The following C5orf24 variants were observed in gnomAD, a reference collection of about 807,000 sequenced individuals.
C5orf24 encodes the protein UPF0461 protein C5orf24.
Under a neutral mutation model 9.8 loss-of-function variants are expected in C5orf24, and 4 were observed. The ratio of observed to expected loss-of-function variants is 0.41; its 90% CI spans 0.20 to 0.93. The LOEUF (loss-of-function observed/expected upper bound fraction) is 0.93, where lower values mean the gene tolerates loss of function less well. Ranked by LOEUF, C5orf24 falls within the 40% of genes least tolerant of loss-of-function variation. The probability of loss-of-function intolerance (pLI) is 0.33; values close to 1 mark genes in which losing one functional copy is unlikely to be tolerated. For missense variants in C5orf24, 170 were observed against 236.9 expected, an observed-to-expected ratio of 0.72 and a Z score of 1.85; for synonymous variants, 73 against 81.3, an observed-to-expected ratio of 0.90 and a Z score of 0.55.
At position 134,854,894 on chromosome 5, in the gene C5orf24, G is replaced by A. The variant is rs1756265831; in HGVS notation, c.-3-4G>A. The A allele has an allele frequency of 6.2e-7, 1 of 1,612,124 alleles. No homozygotes were observed. The highest frequency in any genetic ancestry group is 8.5e-7 in the Non-Finnish European group (1 of 1,179,732). On this transcript the variant is annotated splice_polypyrimidine_tract_variant and splice_region_variant and intron_variant, in intron 1 of 1. Coordinates refer to ENST00000394976, the MANE Select transcript of C5orf24 (RefSeq NM_001135586.1). Reference sequence around the variant, plus strand: ...TATATATATTTGTCTTTTATTTTTGGTAGAAAATGATGCATCCTGTTGCCA... The same window carrying A: ...TATATATATTTGTCTTTTATTTTTGATAGAAAATGATGCATCCTGTTGCCA...
In C5orf24 at chr5:134,856,763, G is replaced by A. The variant is rs1337446858; in HGVS notation, c.*1296G>A. The A allele has an allele frequency of 1.0e-6, 1 of 999,896 alleles. No individual in the cohort carries two copies. Among genetic ancestry groups the A allele is most frequent in the Non-Finnish European group, 1.2e-6 (1 of 829,728 alleles). 61.9% of individuals were successfully genotyped at this position (999,896 alleles called of 1,614,324 possible). On this transcript the variant is annotated 3_prime_UTR_variant, in exon 2 of 2. Transcript: ENST00000394976. The stretch of plus-strand genomic sequence containing the variant: ...TTGTCCCATTGCATTAGCACTTACT[G>A]TGTTTTCAGGTTGATATCTACCAAA...
Position 134,855,430 on chromosome 5 carries a change from A to G in C5orf24, c.530A>G (p.Glu177Gly), listed in dbSNP as rs1417258116. ...MMHGRAVHGV[E>G]ETSSEVKPPN... is the part of the protein sequence containing the mutation. ...CATGGCAGAGCAGTTCATGGGGTAG[A>G]GGAAACTAGCAGTGAAGTCAAACCA... The change falls in exon 2 of 2, where the codon GAG (glutamate) becomes GGG (glycine). Residue 177 changes from glutamate (E) to glycine (G), a missense_variant. Physicochemically the swap from Glu to Gly is moderately conservative, Grantham distance 98 (BLOSUM62 -2). Coordinates refer to ENST00000394976, the MANE Select transcript of C5orf24 (RefSeq NM_001135586.1). The G allele has an allele frequency of 4.3e-6, 7 of 1,614,196 alleles. No individual in the cohort carries two copies. Among genetic ancestry groups the G allele is most frequent in the Non-Finnish European group, 5.9e-6 (7 of 1,180,034 alleles).
At chr5:134,838,983 A>G in the C5orf24 span, among the ~76,000 whole-genome samples, 4 of 151,946 alleles carry the variant, frequency 2.6e-5, no homozygotes, top group East Asian at 7.7e-4. Context: ...CTAAGGCAGG[A>G]GGATCACTTG....
upstream of C5orf24, among the ~76,000 whole-genome samples, chr5:134,842,865 A>G (rs1755919802): frequency 6.6e-6 from 1 of 152,206 alleles, no homozygotes; most frequent in Admixed American, 6.5e-5. Context: ...TGTAGCCACC[A>G]CAGCTTCTAC....
upstream of C5orf24, among the ~76,000 whole-genome samples, chr5:134,843,981 AG>A (rs1307093993): frequency 6.6e-6 from 1 of 152,228 alleles, no homozygotes; most frequent in Admixed American, 6.5e-5. Context: ...ATACCATGGG[AG>A]GCAAGTGGCA....
upstream of C5orf24, chr5:134,845,873 A>G (rs1394249601): frequency 6.6e-6 from 1 of 152,262 alleles, no homozygotes; most frequent in Non-Finnish European, 1.5e-5. Flanking sequence ...CTCCCTCCCA[A>G]AGCTTGCGTG....
upstream of C5orf24, among the ~76,000 whole-genome samples, chr5:134,842,353 G>C (rs1231705294): frequency 6.6e-6 from 1 of 152,068 alleles, no homozygotes; most frequent in Non-Finnish European, 1.5e-5. Flanking sequence ...AGCCAGGCAT[G>C]GTAGCACATG....
chr5:134,853,537 T>C (rs965675415), intron 1 of C5orf24, among the ~76,000 whole-genome samples: 2 of 146,262 alleles, frequency 1.4e-5, no homozygotes, highest in African/African-American at 5.0e-5. Context: ...TCTTTTTTTT[T>C]TTTTTTTTTT....
At chr5:134,836,168 C>CTTTTTTTTT in the C5orf24 span, among the ~76,000 whole-genome samples, 9 of 86,472 alleles carry the variant, frequency 1.0e-4, no homozygotes, top group Non-Finnish European at 1.3e-4. Context: ...CATTGAGAAG[C>CTTTTTTTTT]TTTTTTTTTT....
At chr5:134,834,555 A>T in the C5orf24 span, among the ~76,000 whole-genome samples, 1 of 152,176 alleles carries the variant, frequency 6.6e-6, no homozygotes, top group Non-Finnish European at 1.5e-5. Flanking sequence ...GCAGGGCTGG[A>T]TGCTTGGGAG....
At chr5:134,841,416 C>A (rs1361288298), upstream of C5orf24, among the ~76,000 whole-genome samples, 1 of 151,826 alleles carries the variant, frequency 6.6e-6, no homozygotes, top group Non-Finnish European at 1.5e-5. Context: ...ATGGTGAAAC[C>A]CCCTCTCTAC....
rs1020159738 is a variant in C5orf24 at position 134,858,854 on chromosome 5, A to G, written c.*3387A>G. 1 of 166,410 alleles carries G rather than the reference A, an allele frequency of 6.0e-6. No individual in the cohort carries two copies. Among genetic ancestry groups the G allele is most frequent in the Non-Finnish European group, 1.5e-5 (1 of 68,052 alleles). 10.3% of individuals were successfully genotyped at this position (166,410 alleles called of 1,614,324 possible). A position where few individuals can be genotyped will look rare whatever the true frequency, so the allele number is the denominator to read the frequency against. On this transcript the variant is annotated 3_prime_UTR_variant, in exon 2 of 2. Transcript: ENST00000394976. Reference sequence around the variant, plus strand: ...GGTTTAATTTTTAATATTTAGGGACATTTTAAAAAATCAATGTTTTAATTA... The same window carrying G: ...GGTTTAATTTTTAATATTTAGGGACGTTTTAAAAAATCAATGTTTTAATTA...
intron 1 of C5orf24, among the ~76,000 whole-genome samples, chr5:134,853,360 T>TAAAAA (rs397884485): frequency 1.3e-5 from 1 of 76,994 alleles, no homozygotes. Context: ...AAACTCCACC[T>TAAAAA]AAAAAAAAAA....
the C5orf24 span, among the ~76,000 whole-genome samples, chr5:134,839,853 A>C: frequency 2.8e-4 from 43 of 151,900 alleles, no homozygotes; most frequent in East Asian, 8.1e-3. Flanking sequence ...ATGCCTGGCT[A>C]ATTTTTTTTT....
chr5:134,842,943 A>G (rs1041949532), upstream of C5orf24, among the ~76,000 whole-genome samples: 1 of 152,070 alleles, frequency 6.6e-6, no homozygotes, highest in Non-Finnish European at 1.5e-5. Context: ...AGTCTTCCTC[A>G]GTTATTCCCT....
In C5orf24 at chr5:134,855,551, T is replaced by C; in HGVS notation, c.*84T>C. 1 of 1,542,018 alleles carries C rather than the reference T, an allele frequency of 6.5e-7. No individual in the cohort carries two copies. Among genetic ancestry groups the C allele is most frequent in the Non-Finnish European group, 8.7e-7 (1 of 1,149,236 alleles). ...CTTGGTTTTATTTTGATATACATAA[T>C]TTTATGGCCTGGGCTTTCCAAATTT... is the stretch of plus-strand genomic sequence containing the variant. On this transcript the variant is annotated 3_prime_UTR_variant, in exon 2 of 2. Coordinates refer to ENST00000394976, the MANE Select transcript of C5orf24 (RefSeq NM_001135586.1).
chr5:134,853,378 A>AC (rs1756215324), intron 1 of C5orf24, among the ~76,000 whole-genome samples: 1 of 150,776 alleles, frequency 6.6e-6, no homozygotes, highest in Admixed American at 6.6e-5. Flanking sequence ...AAAAAAAAAA[A>AC]AACCTGTCAT....
chr5:134,837,969 G>C, the C5orf24 span, among the ~76,000 whole-genome samples: 1 of 152,136 alleles, frequency 6.6e-6, no homozygotes, highest in Non-Finnish European at 1.5e-5. Context: ...CACTTGGGTT[G>C]GGTGTGGTTG....
Position 134,857,367 on chromosome 5 carries a change from G to T in C5orf24, c.*1900G>T. The T allele has an allele frequency of 6.5e-7, 1 of 1,547,794 alleles. No homozygotes were observed. The highest frequency in any genetic ancestry group is 8.7e-7 in the Non-Finnish European group (1 of 1,145,110). On this transcript the variant is annotated 3_prime_UTR_variant, in exon 2 of 2. Coordinates refer to ENST00000394976, the MANE Select transcript of C5orf24 (RefSeq NM_001135586.1). ...TACCTTTTTTATCAGGAAAAAAGCA[G>T]CAAGCCTTCAGGTGTTCCAGTGATG...
Sources: gnomAD v4.1 joint callset for allele counts (sites outside exome capture counted in the v4.1 genomes callset) on GRCh38, gnomAD v4.1.1 for gene constraint, MANE v1.5 for transcripts, NCBI Gene and HGNC (gene_info 2026-07-23, HGNC 2026-07-21) for gene names.